Variants in IFNG-AS1 observed in about 807,000 individuals in gnomAD.
The protein encoded by IFNG-AS1 is IFNG antisense RNA 1 (non-protein coding).
Position 68,011,187 on chromosome 12 carries a change from A to G in IFNG-AS1, n.241+5041A>G, listed in dbSNP as rs142516946. 2.2e-3 allele frequency among the ~76,000 whole-genome samples: 335 copies of G among 152,348 alleles called. 3 individuals are homozygous for G. The highest frequency in any genetic ancestry group is 7.6e-3 in the African/African-American group (317 of 41,578). On this transcript the variant is annotated intron_variant and non_coding_transcript_variant, in intron 3 of 5. Coordinates refer to ENST00000536914, the Ensembl canonical transcript of IFNG-AS1. Reference sequence around the variant, plus strand: ...GACCAGAGGCATATATAAAATAAATAACCATCTCATCGTGCTCTCTGTTTA... The same window carrying G: ...GACCAGAGGCATATATAAAATAAATGACCATCTCATCGTGCTCTCTGTTTA...
chr12:68,009,394 G>A (rs1273734102), intron 3 of IFNG-AS1, among the ~76,000 whole-genome samples: 1 of 152,184 alleles, frequency 6.6e-6, no homozygotes, highest in African/African-American at 2.4e-5. Context: ...CCAGGCTGGA[G>A]TGCAGTGACA....
At chr12:67,998,210 A>G (rs1205045587) in intron 2 of IFNG-AS1, among the ~76,000 whole-genome samples, 1 of 152,116 alleles carries the variant, frequency 6.6e-6, no homozygotes, top group Non-Finnish European at 1.5e-5. Flanking sequence ...CATTGTTGTT[A>G]TTGCAAAATA....
At chr12:68,005,106 A>T (rs371078905) in intron 2 of IFNG-AS1, among the ~76,000 whole-genome samples, 43 of 152,216 alleles carry the variant, frequency 2.8e-4, no homozygotes, top group African/African-American at 1.0e-3. Flanking sequence ...ATCTGGAGAA[A>T]TTCCAAAAAT....
At chr12:68,009,486 C>T (rs1019500746) in intron 3 of IFNG-AS1, among the ~76,000 whole-genome samples, 4 of 152,086 alleles carry the variant, frequency 2.6e-5, no homozygotes, top group Non-Finnish European at 5.9e-5. Flanking sequence ...GGACTACAGG[C>T]GCCCGCCACC....
At chr12:68,014,293 G>A (rs1313557196) in intron 3 of IFNG-AS1, among the ~76,000 whole-genome samples, 1 of 152,126 alleles carries the variant, frequency 6.6e-6, no homozygotes, top group African/African-American at 2.4e-5. Context: ...TGTCCTCTGG[G>A]TAGATACCCA....
At chr12:67,998,335 T>A (rs1298017691) in intron 2 of IFNG-AS1, among the ~76,000 whole-genome samples, 1 of 151,640 alleles carries the variant, frequency 6.6e-6, no homozygotes. Context: ...ATTTGGATTG[T>A]TTTTCAGAAC....
intron 1 of IFNG-AS1, among the ~76,000 whole-genome samples, chr12:67,990,791 C>G (rs1368295014): frequency 6.6e-6 from 1 of 151,820 alleles, no homozygotes; most frequent in East Asian, 1.9e-4. Context: ...ATGGGGTTTC[C>G]CTATGTTGGC....
chr12:67,991,858 T>C (rs1271255368), intron 1 of IFNG-AS1, among the ~76,000 whole-genome samples: 1 of 152,240 alleles, frequency 6.6e-6, no homozygotes, highest in African/African-American at 2.4e-5. Flanking sequence ...TTGTTTTAAA[T>C]GAAATAGCTC....
At chr12:68,007,568 T>C (rs1879933479) in intron 3 of IFNG-AS1, among the ~76,000 whole-genome samples, 1 of 152,246 alleles carries the variant, frequency 6.6e-6, no homozygotes, top group South Asian at 2.1e-4. Context: ...TAATCATTCC[T>C]GAGAGTTTCT....
chr12:68,014,450 C>T (rs1880100962), intron 3 of IFNG-AS1, among the ~76,000 whole-genome samples: 1 of 152,142 alleles, frequency 6.6e-6, no homozygotes, highest in Non-Finnish European at 1.5e-5. Context: ...CCAACATCTA[C>T]TGGTTTTGTT....
chr12:67,997,031 AC>A (rs1471956031), intron 2 of IFNG-AS1, among the ~76,000 whole-genome samples: 1 of 152,150 alleles, frequency 6.6e-6, no homozygotes, highest in Non-Finnish European at 1.5e-5. Context: ...TATTTTATAT[AC>A]ATAAACAATG....
At chr12:67,993,731 T>C (rs1302931932) in intron 1 of IFNG-AS1, among the ~76,000 whole-genome samples, 1 of 152,208 alleles carries the variant, frequency 6.6e-6, no homozygotes, top group Non-Finnish European at 1.5e-5. Context: ...AACAAAGTTC[T>C]AAGAAGACAT....
At chr12:68,013,966 A>G (rs972889111) in intron 3 of IFNG-AS1, among the ~76,000 whole-genome samples, 8 of 152,284 alleles carry the variant, frequency 5.3e-5, no homozygotes, top group African/African-American at 1.9e-4. Context: ...TCAAGTCCCC[A>G]AAGTCCATTG....
chr12:68,019,187 G>A (rs1565693595), intron 3 of IFNG-AS1, among the ~76,000 whole-genome samples: 1 of 152,026 alleles, frequency 6.6e-6, no homozygotes, highest in Non-Finnish European at 1.5e-5. Context: ...GCAGATCTGG[G>A]TCTAAATCCT....
At chr12:68,005,503 C>A (rs1225843091) in intron 2 of IFNG-AS1, among the ~76,000 whole-genome samples, 1 of 152,176 alleles carries the variant, frequency 6.6e-6, no homozygotes, top group East Asian at 1.9e-4. Flanking sequence ...AAAAACGAAA[C>A]CAAATCAAAA....
At chr12:68,014,572 G>C (rs561584086) in intron 3 of IFNG-AS1, among the ~76,000 whole-genome samples, 99 of 152,118 alleles carry the variant, frequency 6.5e-4, no homozygotes, top group African/African-American at 2.4e-3. Flanking sequence ...TCATATGTTT[G>C]TTGGCCATTT....
intron 2 of IFNG-AS1, among the ~76,000 whole-genome samples, chr12:68,003,481 A>G (rs1879827393): frequency 6.6e-6 from 1 of 151,334 alleles, no homozygotes; most frequent in African/African-American, 2.4e-5. Flanking sequence ...CCACACTAGA[A>G]GTGACACTGA....
chr12:68,021,188 T>C (rs1880279800), intron 4 of IFNG-AS1: 1 of 152,200 alleles, frequency 6.6e-6, no homozygotes, highest in Non-Finnish European at 1.5e-5. Flanking sequence ...TATACATAGT[T>C]TGTTTTCCCA....
chr12:67,997,632 A>C (rs565919135), intron 2 of IFNG-AS1, among the ~76,000 whole-genome samples: 1 of 151,862 alleles, frequency 6.6e-6, no homozygotes, highest in African/African-American at 2.4e-5. Flanking sequence ...AGGCAATTAA[A>C]AAAAAAAGAT....
Sources: allele counts gnomAD v4.1 joint callset (sites outside exome capture counted in the v4.1 genomes callset), GRCh38; gene constraint gnomAD v4.1.1; transcripts MANE v1.5; gene names NCBI Gene and HGNC (gene_info 2026-07-23, HGNC 2026-07-21).